The following IGHMBP2 variants were observed in gnomAD, a reference collection of about 807,000 sequenced individuals.
IGHMBP2 encodes the protein immunoglobulin mu DNA binding protein 2.
IGHMBP2 carries 81 observed loss-of-function variants against 96.0 expected under a neutral mutation model. The ratio of observed to expected loss-of-function variants is 0.84; its 90% CI spans 0.71 to 1.01. The LOEUF is 1.01. Among genes scored for constraint, IGHMBP2 ranks in the 50% least tolerant of loss-of-function variants. The probability of loss-of-function intolerance (pLI) is 0.00; values close to 1 mark genes in which losing one functional copy is unlikely to be tolerated. For missense variants in IGHMBP2, 1,227 were observed against 1,306.3 expected (o/e 0.94, Z 0.94); for synonymous variants, 557 against 548.9 (o/e 1.01, Z -0.21).
chr11:68,933,248 T>C (rs1399895363), intron 8 of IGHMBP2, 51 bp from the exon 9 acceptor site: 2 of 1,559,828 alleles, frequency 1.3e-6, no homozygotes, highest in Admixed American at 1.8e-5. Flanking sequence ...GGTTCACACC[T>C]GGACTCTGGG....
At position 68,908,321 on chromosome 11, in the gene IGHMBP2, T is replaced by TA. The variant is rs775840312; in HGVS notation, c.434dup (p.Tyr145Ter). 3.1e-6 allele frequency: 5 copies of TA among 1,614,038 alleles called. No individual in the cohort carries two copies. Among genetic ancestry groups the TA allele is most frequent in the Non-Finnish European group, 1.7e-6 (2 of 1,179,930 alleles). ...RLLKLANDVT[Y>*]RRLKKALIAL... Reference sequence around the variant, plus strand: ...GTTAAAACTTGCCAATGATGTCACTTACAGGCGACTGAAAAAGTAAGTGGA... The same window carrying TA: ...GTTAAAACTTGCCAATGATGTCACTTAACAGGCGACTGAAAAAGTAAGTGGA... Residue 145 changes from tyrosine (Y) to a stop codon, truncating the protein, a stop_gained and frameshift_variant, in exon 3 of 15, where the codon TAC becomes TAAC. Transcript: ENST00000255078. LOFTEE classifies it high-confidence loss of function.
At chr11:68,907,591 T>A (rs1040938615) in intron 2 of IGHMBP2, among the ~76,000 whole-genome samples, 1 of 152,152 alleles carries the variant, frequency 6.6e-6, no homozygotes, top group African/African-American at 2.4e-5. Flanking sequence ...AATTTCATAT[T>A]TTGATTTCGT....
rs199517937 is a variant in IGHMBP2, at chr11:68,933,485, A to G, written c.1418+4A>G. 1 of 1,610,616 alleles carries G rather than the reference A, an allele frequency of 6.2e-7. No homozygotes were observed. Among genetic ancestry groups the G allele is most frequent in the Non-Finnish European group, 8.5e-7 (1 of 1,178,916 alleles). On this transcript the variant is annotated splice_donor_region_variant and intron_variant, in intron 9 of 14. Transcript: ENST00000255078. ...CCGTGGCAAGGCACCTCCTGAGGTGAGTAGCTCGGCACCACCCGCCGCCCC... is the reference window on the plus strand; with the variant it reads ...CCGTGGCAAGGCACCTCCTGAGGTGGGTAGCTCGGCACCACCCGCCGCCCC...
chr11:68,929,526 G>A (rs1241949260), intron 8 of IGHMBP2, among the ~76,000 whole-genome samples, 169 bp downstream of exon 8: 3 of 151,874 alleles, frequency 2.0e-5, no homozygotes, highest in Non-Finnish European at 4.4e-5. Flanking sequence ...CGTCGCATCT[G>A]TGAGATCATG....
intron 5 of IGHMBP2, among the ~76,000 whole-genome samples, chr11:68,913,192 A>G (rs767114041): frequency 1.3e-5 from 2 of 152,166 alleles, no homozygotes; most frequent in Non-Finnish European, 2.9e-5. Flanking sequence ...GATTACGTCC[A>G]GCGGTTTTCC....
rs192221946 is a variant in IGHMBP2 at position 68,909,833 on chromosome 11, T to C, written c.547+1202T>C. Among the ~76,000 whole-genome samples, 493 of 152,188 alleles carry C rather than the reference T, an allele frequency of 3.2e-3. 1 individual carries two copies. The highest frequency in any genetic ancestry group is 5.5e-3 in the Non-Finnish European group (373 of 67,994). On this transcript the variant is annotated intron_variant, in intron 4 of 14. Transcript: ENST00000255078. ...TAGTAGAGACAACATGGTTTCACCA[T>C]GTTGGTCGGGCCGGTCTTGAACTCC...
Position 68,903,898 on chromosome 11 carries a change from C to A in IGHMBP2, c.-55C>A. 6.2e-7 allele frequency: 1 copy of A among 1,607,028 alleles called. No individual in the cohort carries two copies. Among genetic ancestry groups the A allele is most frequent in the East Asian group, 2.2e-5 (1 of 44,776 alleles). ...GGGGAACACCGGTCCGCTGTAACAC[C>A]GGCCCGGCGCAGAAGCGGGACGTCG... On this transcript the variant is annotated 5_prime_UTR_variant, in exon 1 of 15. Coordinates refer to ENST00000255078, the MANE Select transcript of IGHMBP2 (RefSeq NM_002180.3).
Position 68,914,543 on chromosome 11 carries a change from C to G in IGHMBP2, c.712-280C>G, listed in dbSNP as rs544576269. Among the ~76,000 whole-genome samples, 15 of 152,274 alleles carry G rather than the reference C, an allele frequency of 9.9e-5. No homozygotes were observed. In the South Asian group the frequency reaches 3.1e-3, roughly 32 times the overall value. ...AGCTCTGTGAGTTACAGGGTGCTCT[C>G]TTAGTTTGCCGTCTATAGGTGGCTT... On this transcript the variant is annotated intron_variant, in intron 5 of 14. Transcript: ENST00000255078.
At chr11:68,917,592 C>T in intron 6 of IGHMBP2, 144 bp from the exon 7 acceptor site, 1 of 699,928 alleles carries the variant, frequency 1.4e-6, no homozygotes, top group East Asian at 2.6e-5. Context: ...GTGTGTGTAT[C>T]TGTGTCTCTT....
At chr11:68,916,632 A>G (rs930251845) in intron 6 of IGHMBP2, among the ~76,000 whole-genome samples, 1 of 152,028 alleles carries the variant, frequency 6.6e-6, no homozygotes, top group African/African-American at 2.4e-5. Context: ...TCGGTGTCCT[A>G]ACCTCGGAGG....
At chr11:68,928,998 G>A (rs1260246145) in intron 7 of IGHMBP2, among the ~76,000 whole-genome samples, 185 bp from the exon 8 acceptor site, 1 of 152,250 alleles carries the variant, frequency 6.6e-6, no homozygotes, top group Non-Finnish European at 1.5e-5. Flanking sequence ...TAAGACACAG[G>A]TGAGCTGGAA....
At chr11:68,911,299 G>A (rs1019692302) in intron 4 of IGHMBP2, 141 bp from the exon 5 acceptor site, 11 of 768,722 alleles carry the variant, frequency 1.4e-5, no homozygotes, top group Non-Finnish European at 2.5e-5. Flanking sequence ...ACTTAATTTT[G>A]TGTTGATTGG....
rs2228206 is a variant in IGHMBP2, at chr11:68,906,205, G to A, written c.223G>A (p.Ala75Thr). ...CTTTGAGCCCAGGCGATACGGGTCC[G>A]CGGCAGCTCTTCCCAGTAACAGCTT... ...VTFEPRRYGS[A>T]AALPSNSFTS... is the part of the protein sequence containing the mutation. The change falls in exon 2 of 15, where the codon GCG becomes ACG. Residue 75 changes from alanine to threonine, a missense_variant. This residue lies in a region of IGHMBP2 where 507 missense variants were observed against 496.9 expected (regional missense o/e 1.02). Coordinates refer to ENST00000255078, the MANE Select transcript of IGHMBP2 (RefSeq NM_002180.3). 1.6e-3 allele frequency: 2,548 copies of A among 1,614,020 alleles called. 34 individuals carry two copies. In the African/African-American group the frequency reaches 0.03, roughly 19 times the overall value.
chr11:68,926,110 A>G (rs1407212334), intron 7 of IGHMBP2: 1 of 151,976 alleles, frequency 6.6e-6, no homozygotes, highest in Non-Finnish European at 1.5e-5. Flanking sequence ...AGATCTCTGA[A>G]GCTCTGTTCA....
At chr11:68,913,866 A>AGT (rs1858543560) in intron 5 of IGHMBP2, among the ~76,000 whole-genome samples, 1 of 152,160 alleles carries the variant, frequency 6.6e-6, no homozygotes, top group Non-Finnish European at 1.5e-5. Context: ...AAACACCAGG[A>AGT]GTGTGGTCTA....
In IGHMBP2 at chr11:68,937,013, C is replaced by G; in HGVS notation, c.2533C>G (p.Gln845Glu). 6.2e-7 allele frequency: 1 copy of G among 1,608,634 alleles called. No homozygotes were observed. The highest frequency in any genetic ancestry group is 1.1e-5 in the South Asian group (1 of 90,970). The change falls in exon 13 of 15, where the codon CAG becomes GAG. Residue 845 changes from glutamine to glutamate, a missense_variant. Gln to Glu is a conservative substitution (Grantham distance 29). Around this residue, in one of 3 missense-constraint regions of IGHMBP2, gnomAD observed 703 missense variants for 770.3 expected, o/e 0.91. Transcript: ENST00000255078. ...GAGACTGCAGAGGGTCAGGAGCGCG[C>G]AGGGGCAGCCCGCCAGCAAGGAGCA... is the stretch of plus-strand genomic sequence containing the variant. ...LERLQRVRSAQGQPASKEQQA... is the reference protein window; with the variant it reads ...LERLQRVRSAEGQPASKEQQA...
chr11:68,921,388 ACTC>A (rs1858871157), intron 7 of IGHMBP2, among the ~76,000 whole-genome samples: 1 of 151,304 alleles, frequency 6.6e-6, no homozygotes, highest in South Asian at 2.1e-4. Flanking sequence ...ATGAACCATC[ACTC>A]CTGGCCTATT....
intron 5 of IGHMBP2, among the ~76,000 whole-genome samples, chr11:68,913,043 CAAAAAAAA>C (rs71043469): frequency 1.0e-3 from 39 of 37,468 alleles, no homozygotes; most frequent in Middle Eastern, 0.023. Context: ...ACTCCATCTC[CAAAAAAAA>C]AAAAAAAAAA....
chr11:68,937,959 T>G (rs1480342779), intron 13 of IGHMBP2: 4 of 586,278 alleles, frequency 6.8e-6, no homozygotes, highest in Non-Finnish European at 1.2e-5. Flanking sequence ...AGCTGCTTTT[T>G]AATTTTTTTT....
Sources: gnomAD v4.1 joint callset for allele counts (sites outside exome capture counted in the v4.1 genomes callset) on GRCh38, gnomAD v4.1.1 for gene constraint, gnomAD v4.1.1 regional missense constraint, MANE v1.5 for transcripts, NCBI Gene and HGNC (gene_info 2026-07-23, HGNC 2026-07-21) for gene names.